FGFR4: variants seen among roughly 807,000 people sequenced by gnomAD.
The protein encoded by FGFR4 is fibroblast growth factor receptor 4.
In FGFR4, 63 loss-of-function variants were observed where a neutral mutation model predicts 89.9. The observed-to-expected ratio is 0.70, with a 90% CI of 0.57 to 0.86. The LOEUF is 0.86. Ranked by LOEUF, FGFR4 falls within the 40% of genes least tolerant of loss-of-function variation. The pLI, the probability that FGFR4 is intolerant of heterozygous loss-of-function variation, is 0.00. For synonymous variants in FGFR4, 486 were observed against 479.4 expected, an observed-to-expected ratio of 1.01 and a Z score of -0.18; for missense variants, 928 against 1,106.7, an observed-to-expected ratio of 0.84 and a Z score of 2.29.
Position 177,093,214 on chromosome 5 carries a change from G to A in FGFR4, c.1134G>A (p.Leu378=), listed in dbSNP as rs755052048. The A allele has an allele frequency of 1.9e-6, 3 of 1,612,730 alleles. No individual in the cohort carries two copies. The highest frequency in any genetic ancestry group is 2.5e-6 in the Non-Finnish European group (3 of 1,178,994). The change falls in exon 9 of 18, where the codon CTG becomes CTA. Residue 378 remains leucine, a synonymous_variant. Coordinates refer to ENST00000292408, the MANE Select transcript of FGFR4 (RefSeq NM_213647.3). This position sits in a 1 kb window ranked among gnomAD's most constrained non-coding sequence, Gnocchi z 5.8. The part of the protein sequence containing the change: ...TDIILYASGS[L]ALAVLLLLAG... ...TCATCCTGTACGCGTCGGGCTCCCT[G>A]GCCTTGGCTGTGCTCCTGCTGCTGG...
chr5:177,095,312 C>G lies in FGFR4; in HGVS notation c.1520-18C>G. ...CAGTTGGAGGGCAGCCTCTTCACCC[C>G]GTCTGCTGCCCTTACAGACAACGCC... On this transcript the variant is annotated intron_variant, in intron 11 of 17. Coordinates refer to ENST00000292408, the MANE Select transcript of FGFR4 (RefSeq NM_213647.3). The surrounding 1 kb of genome is among the most constrained non-coding windows in gnomAD (Gnocchi z 5.7). The G allele has an allele frequency of 1.2e-6, 2 of 1,602,482 alleles. No homozygotes were observed. Among genetic ancestry groups the G allele is most frequent in the Non-Finnish European group, 1.7e-6 (2 of 1,169,526 alleles).
In FGFR4 at chr5:177,091,115, G is replaced by A; in HGVS notation, c.603+11G>A. 6.4e-7 allele frequency: 1 copy of A among 1,554,224 alleles called. No homozygotes were observed. The highest frequency in any genetic ancestry group is 8.8e-7 in the Non-Finnish European group (1 of 1,142,100). On this transcript the variant is annotated intron_variant, in intron 5 of 17. Coordinates refer to ENST00000292408, the MANE Select transcript of FGFR4 (RefSeq NM_213647.3). ...ATTGGAGGCATTCGGGTGAGTCTCT[G>A]GGTTCCAAGACCGTCTGCTCCCCCA...
intron 1 of FGFR4, among the ~76,000 whole-genome samples, 179 bp from the exon 2 acceptor site, chr5:177,089,371 G>A (rs1433087666): frequency 6.6e-6 from 1 of 152,166 alleles, no homozygotes; most frequent in African/African-American, 2.4e-5. Flanking sequence ...CCTACCGTGG[G>A]GAGGCCTTAG....
chr5:177,092,439 G>A lies in FGFR4; in HGVS notation c.846G>A (p.Gln282=), dbSNP rs1203573745. The change falls in exon 7 of 18, where the codon CAG becomes CAA. Residue 282 remains glutamine (Q), a synonymous_variant. Transcript: ENST00000292408. ...KVYSDAQPHI[Q]WLKHIVINGS... ...ACAGCGATGCCCAGCCCCACATCCA[G>A]TGGCTGAAGCACATCGTCATCAACG... 4 of 1,605,396 alleles carry A rather than the reference G, an allele frequency of 2.5e-6. No individual in the cohort carries two copies. Among genetic ancestry groups the A allele is most frequent in the Middle Eastern group, 3.3e-4 (2 of 6,052 alleles).
At chr5:177,096,819 C>T in intron 16 of FGFR4, 78 bp downstream of exon 16, 1 of 1,518,262 alleles carries the variant, frequency 6.6e-7, no homozygotes, top group East Asian at 2.3e-5. Context: ...CAGGGTGTGT[C>T]CCGGCCAGAA....
At position 177,097,608 on chromosome 5, in the gene FGFR4, G is replaced by T. The variant is rs779626910; in HGVS notation, c.2341G>T (p.Val781Phe). 1.2e-5 allele frequency: 20 copies of T among 1,614,086 alleles called. No individual in the cohort carries two copies. The East Asian group carries it at 3.8e-4, about 31-fold the overall frequency. ...ASSTCSSSDS[V>F]FSHDPLPLGS... ...CAGCACCTGCTCCTCCAGCGATTCT[G>T]TCTTCAGCCACGACCCCCTGCCATT... The change falls in exon 18 of 18, where the codon GTC becomes TTC. Residue 781 changes from valine (V) to phenylalanine (F), a missense_variant. Around this residue, in one of 5 missense-constraint regions of FGFR4, gnomAD observed 129 missense variants for 150.8 expected, o/e 0.86. Transcript: ENST00000292408.
intron 5 of FGFR4, 81 bp from the exon 6 acceptor site, chr5:177,091,604 G>C: frequency 2.5e-6 from 4 of 1,569,996 alleles, no homozygotes; most frequent in Non-Finnish European, 3.5e-6. Flanking sequence ...CCTGTGGGCA[G>C]GATGAGGATC....
rs2149728065 is a variant in FGFR4, at chr5:177,087,607, T to C, written c.-54+530T>C. On this transcript the variant is annotated intron_variant, in intron 1 of 17. Coordinates refer to ENST00000292408, the MANE Select transcript of FGFR4 (RefSeq NM_213647.3). The surrounding 1 kb of genome is among the most constrained non-coding windows in gnomAD (Gnocchi z 6.1). ...GGTCAGCAGCCATGGGTGACTCGAC[T>C]AAGGACTCTGATATCAGGGCAGCCT... 2.0e-6 allele frequency: 2 copies of C among 985,430 alleles called. No homozygotes were observed. The highest frequency in any genetic ancestry group is 1.7e-5 in the African/African-American group (1 of 57,310). 61.0% of individuals were successfully genotyped at this position (985,430 alleles called of 1,614,324 possible).
Position 177,093,646 on chromosome 5 carries a change from A to C in FGFR4, c.1398-8A>C. On this transcript the variant is annotated splice_region_variant and splice_polypyrimidine_tract_variant and intron_variant, in intron 10 of 17. Transcript: ENST00000292408. This position sits in a 1 kb window ranked among gnomAD's most constrained non-coding sequence, Gnocchi z 5.8. ...GGAGGTCTGAGGCTGGACTTTCTCCATCTCCAGGCTGGTGCTTGGGAAGCC... is the reference window on the plus strand; with the variant it reads ...GGAGGTCTGAGGCTGGACTTTCTCCCTCTCCAGGCTGGTGCTTGGGAAGCC... 6.2e-7 allele frequency: 1 copy of C among 1,614,122 alleles called. No homozygotes were observed. The highest frequency in any genetic ancestry group is 8.5e-7 in the Non-Finnish European group (1 of 1,179,990).
intron 8 of FGFR4, 30 bp downstream of exon 8, chr5:177,092,814 C>T (rs201839880): frequency 1.6e-5 from 26 of 1,614,088 alleles, no homozygotes; most frequent in East Asian, 2.2e-5. Flanking sequence ...GGAGATGCTG[C>T]GAGATGCCCC....
chr5:177,092,594 ACAGTGTGGCCC>A, intron 7 of FGFR4, 41 bp from the exon 8 acceptor site: 2 of 1,573,142 alleles, frequency 1.3e-6, no homozygotes, highest in East Asian at 4.5e-5. Flanking sequence ...CCTGTTGGCC[ACAGTGTGGCCC>A]CAGGCCCTGC....
Position 177,095,825 on chromosome 5 carries a change from G to T in FGFR4, c.1821+102G>T. 1.5e-6 allele frequency: 2 copies of T among 1,321,960 alleles called. No homozygotes were observed. The highest frequency in any genetic ancestry group is 1.5e-5 in the South Asian group (1 of 65,624). 81.9% of individuals were successfully genotyped at this position (1,321,960 alleles called of 1,614,324 possible). Reference sequence around the variant, plus strand: ...CTTCTCCCTCTCTGCTCTTTTTCATGACCCCACCTCAGTGTCCCCAGGCAT... The same window carrying T: ...CTTCTCCCTCTCTGCTCTTTTTCATTACCCCACCTCAGTGTCCCCAGGCAT... On this transcript the variant is annotated intron_variant, in intron 13 of 17. Transcript: ENST00000292408. The surrounding 1 kb of genome is among the most constrained non-coding windows in gnomAD (Gnocchi z 5.7).
Position 177,096,595 on chromosome 5 carries a change from T to C in FGFR4, c.2016-9T>C. On this transcript the variant is annotated splice_polypyrimidine_tract_variant and intron_variant, in intron 15 of 17. Coordinates refer to ENST00000292408, the MANE Select transcript of FGFR4 (RefSeq NM_213647.3). ...GCTGAGCCACACTGAGCCCTGGCCCTACCTCCAGGTGGTCTTTTGGGATCC... is the reference window on the plus strand; with the variant it reads ...GCTGAGCCACACTGAGCCCTGGCCCCACCTCCAGGTGGTCTTTTGGGATCC... The C allele has an allele frequency of 1.2e-6, 2 of 1,613,464 alleles. No individual in the cohort carries two copies. Among genetic ancestry groups the C allele is most frequent in the Non-Finnish European group, 1.7e-6 (2 of 1,179,706 alleles).
intron 1 of FGFR4, chr5:177,088,240 G>A: frequency 6.1e-6 from 1 of 163,742 alleles, no homozygotes; most frequent in Non-Finnish European, 1.3e-5. Flanking sequence ...TTTTAGTAGA[G>A]ACGGGGTTTC....
chr5:177,095,541 TACGTGATC>T lies in FGFR4; in HGVS notation c.1640_1647del (p.Tyr547CysfsTer32), dbSNP rs1784520948. The stretch of plus-strand genomic sequence containing the variant: ...CTCCACTCCCTCTGCAGGGCCCCTG[TACGTGATC>T]GTGGAGTGCGCCGCCAAGGGAAACC... On this transcript the variant is annotated frameshift_variant, in exon 13 of 18. Transcript: ENST00000292408. LOFTEE classifies it high-confidence loss of function. This position sits in a 1 kb window ranked among gnomAD's most constrained non-coding sequence, Gnocchi z 5.7. 1 of 1,611,278 alleles carries T rather than the reference TACGTGATC, an allele frequency of 6.2e-7. No individual in the cohort carries two copies. The highest frequency in any genetic ancestry group is 8.5e-7 in the Non-Finnish European group (1 of 1,178,740).
rs1171950559 is a variant in FGFR4 at position 177,093,124 on chromosome 5, A to G, written c.1058-14A>G. The G allele has an allele frequency of 1.2e-6, 2 of 1,613,872 alleles. No homozygotes were observed. Among genetic ancestry groups the G allele is most frequent in the Non-Finnish European group, 1.7e-6 (2 of 1,180,016 alleles). ...CCAGTTTGTCTGTCTGTGTGTGTCCATGTGCGAGGGCAGAGGAGGACCCCA... is the reference window on the plus strand; with the variant it reads ...CCAGTTTGTCTGTCTGTGTGTGTCCGTGTGCGAGGGCAGAGGAGGACCCCA... On this transcript the variant is annotated splice_polypyrimidine_tract_variant and intron_variant, in intron 8 of 17. Transcript: ENST00000292408. The surrounding 1 kb of genome is among the most constrained non-coding windows in gnomAD (Gnocchi z 5.8).
Position 177,097,796 on chromosome 5 carries a change from C to T in FGFR4, c.*120C>T, listed in dbSNP as rs567014581. On this transcript the variant is annotated 3_prime_UTR_variant, in exon 18 of 18. Coordinates refer to ENST00000292408, the MANE Select transcript of FGFR4 (RefSeq NM_213647.3). ...GGCCCCTGGCCCAGAGTTGCTGTGC[C>T]GTGTCCAAGGGCCGTGCCCTTGCCC... 23 of 1,309,422 alleles carry T rather than the reference C, an allele frequency of 1.8e-5. No homozygotes were observed. The East Asian group carries it at 3.9e-4, about 22-fold the overall frequency. 81.1% of individuals were successfully genotyped at this position (1,309,422 alleles called of 1,614,324 possible).
Position 177,096,627 on chromosome 5 carries a change from G to A in FGFR4, c.2039G>A (p.Trp680Ter). The change falls in exon 16 of 18, where the codon TGG becomes TAG. Residue 680 changes from tryptophan to a stop codon, truncating the protein, a stop_gained. Transcript: ENST00000292408. LOFTEE classifies it high-confidence loss of function. ...AGGTGGTCTTTTGGGATCCTGCTAT[G>A]GGAGATCTTCACCCTCGGGGGCTCC... is the stretch of plus-strand genomic sequence containing the variant. ...SDVWSFGILL[W>*]EIFTLGGSPY... The A allele has an allele frequency of 6.2e-7, 1 of 1,613,360 alleles. No individual in the cohort carries two copies. Among genetic ancestry groups the A allele is most frequent in the Non-Finnish European group, 8.5e-7 (1 of 1,179,708 alleles).
intron 16 of FGFR4, among the ~76,000 whole-genome samples, chr5:177,096,961 CCTG>C (rs1784606186): frequency 4.1e-5 from 4 of 97,016 alleles, no homozygotes; most frequent in African/African-American, 4.1e-5. Flanking sequence ...TCCTTCTCCT[CCTG>C]CTCCTCTTCC....
Sources: allele counts gnomAD v4.1 joint callset (sites outside exome capture counted in the v4.1 genomes callset), GRCh38; gene constraint gnomAD v4.1.1; regional missense constraint gnomAD v4.1.1; non-coding constraint Gnocchi (gnomAD v3.1); transcripts MANE v1.5; gene names NCBI Gene and HGNC (gene_info 2026-07-23, HGNC 2026-07-21).